The following RUFY3 variants were observed in gnomAD, a reference collection of about 807,000 sequenced individuals.
The protein encoded by RUFY3 is RUN and FYVE domain containing 3, also known as protein RUFY3.
A neutral mutation model predicts 84.0 loss-of-function variants in RUFY3; 34 were observed. The ratio of observed to expected loss-of-function variants is 0.40; its 90% CI spans 0.31 to 0.54. RUFY3 has a LOEUF of 0.54. Among genes scored for constraint, RUFY3 ranks in the 20% least tolerant of loss-of-function variants. RUFY3 has a pLI of 0.39. For synonymous variants in RUFY3, 242 were observed against 252.9 expected, an observed-to-expected ratio of 0.96 and a Z score of 0.41; for missense variants, 507 against 736.8, an observed-to-expected ratio of 0.69 and a Z score of 3.61.
chr4:70,737,566 T>A (rs1232482890), intron 1 of RUFY3, among the ~76,000 whole-genome samples: 1 of 152,138 alleles, frequency 6.6e-6, no homozygotes, highest in Non-Finnish European at 1.5e-5. Flanking sequence ...CTTTCTTTCC[T>A]CATCCGCTCA....
intron 1 of RUFY3, among the ~76,000 whole-genome samples, chr4:70,710,839 G>C (rs1464586063): frequency 6.6e-6 from 1 of 151,420 alleles, no homozygotes; most frequent in East Asian, 2.0e-4. Flanking sequence ...AAGGCAGGCG[G>C]ATCACTTGAG....
intron 7 of RUFY3, among the ~76,000 whole-genome samples, chr4:70,775,740 G>C (rs1453833351): frequency 6.6e-6 from 1 of 151,966 alleles, no homozygotes; most frequent in African/African-American, 2.4e-5. Context: ...TAGCTCAGGA[G>C]TTCAAGATGA....
At chr4:70,777,813 A>G (rs542006254) in intron 7 of RUFY3, among the ~76,000 whole-genome samples, 37 of 152,342 alleles carry the variant, frequency 2.4e-4, no homozygotes, top group South Asian at 4.1e-4. Flanking sequence ...TGTTATTATC[A>G]TATGTAGATA....
Position 70,728,882 on chromosome 4 carries a change from T to C in RUFY3, c.178+6131T>C, listed in dbSNP as rs976178741. 3.3e-4 allele frequency among the ~76,000 whole-genome samples: 44 copies of C among 132,392 alleles called. 1 individual carries two copies. Among genetic ancestry groups the C allele is most frequent in the Admixed American group, 3.2e-3 (44 of 13,572 alleles). The allele number at this position is 132,392 out of a possible 152,430, so 86.9% of individuals were successfully genotyped here. A position where few individuals can be genotyped will look rare whatever the true frequency, so the allele number is the denominator to read the frequency against. On this transcript the variant is annotated intron_variant, in intron 1 of 17. Coordinates refer to ENST00000381006, the MANE Select transcript of RUFY3 (RefSeq NM_001037442.4). ...TTTGTTGTGGAGATTTGGATATTTC[T>C]TTTTTTTTTTTTTTAAATGAGGCCT...
intron 9 of RUFY3, among the ~76,000 whole-genome samples, chr4:70,784,007 G>C (rs1729361082): frequency 6.6e-6 from 1 of 152,158 alleles, no homozygotes; most frequent in Non-Finnish European, 1.5e-5. Context: ...GAGTTACTAG[G>C]CTCTGCGAGG....
At chr4:70,803,083 A>G (rs999285667) in intron 16 of RUFY3, 100 bp downstream of exon 16, 3 of 815,002 alleles carry the variant, frequency 3.7e-6, no homozygotes, top group Non-Finnish European at 6.1e-6. Context: ...AAGATGAGTG[A>G]ATACAGTGTG....
chr4:70,803,144 C>T, intron 16 of RUFY3, 161 bp downstream of exon 16: 1 of 525,512 alleles, frequency 1.9e-6, no homozygotes, highest in Non-Finnish European at 3.4e-6. Flanking sequence ...GAAGCTCACA[C>T]AGGAAGTAGC....
chr4:70,709,792 G>A (rs1560432042), intron 1 of RUFY3, among the ~76,000 whole-genome samples: 1 of 152,134 alleles, frequency 6.6e-6, no homozygotes, highest in Non-Finnish European at 1.5e-5. Flanking sequence ...CACAACTACG[G>A]CAAACATTGT....
At position 70,778,435 on chromosome 4, in the gene RUFY3, G is replaced by A; in HGVS notation, c.891G>A (p.Glu297=). ...AAAAATCCAACACTAAACTGACAGA[G>A]GAGGTAAGTTTTGGAAATGCTTTGA... is the stretch of plus-strand genomic sequence containing the variant. The part of the protein sequence containing the change: ...ALEKSNTKLT[E]ELAVANNRII... Residue 297 remains glutamate, a synonymous_variant, in exon 8 of 18, where the codon GAG becomes GAA. Transcript: ENST00000381006. 6.3e-7 allele frequency: 1 copy of A among 1,588,760 alleles called. No individual in the cohort carries two copies. Among genetic ancestry groups the A allele is most frequent in the East Asian group, 2.2e-5 (1 of 44,600 alleles).
At chr4:70,802,497 C>T (rs1158730137) in intron 15 of RUFY3, among the ~76,000 whole-genome samples, 2 of 152,248 alleles carry the variant, frequency 1.3e-5, no homozygotes, top group East Asian at 3.9e-4. Context: ...TTCATTTCCC[C>T]TTCTTGGGTT....
rs201289788 is a variant in RUFY3, at chr4:70,806,600, C to T, written c.1804C>T (p.Arg602Ter). The T allele has an allele frequency of 7.6e-5, 123 of 1,614,120 alleles. No homozygotes were observed. Among genetic ancestry groups the T allele is most frequent in the South Asian group, 1.8e-4 (16 of 91,088 alleles). Residue 602 changes from arginine (R) to a stop codon, truncating the protein, a stop_gained, in exon 18 of 18, where the codon CGA (arginine) becomes TGA (stop). Transcript: ENST00000381006. LOFTEE classifies it high-confidence loss of function. ...TCTTCCTTCAAGTATCAAGCTTGAG[C>T]GAGTTTGCAATCCCTGTCACAAGCA... ...LPLPSSIKLERVCNPCHKHLM... is the reference protein window; with the variant it reads ...LPLPSSIKLE
At chr4:70,737,493 A>G (rs2148633910) in intron 1 of RUFY3, among the ~76,000 whole-genome samples, 1 of 152,242 alleles carries the variant, frequency 6.6e-6, no homozygotes, top group East Asian at 1.9e-4. Context: ...AAAGTATCTT[A>G]GAGACATTAT....
At chr4:70,729,747 T>C (rs1372516074) in intron 1 of RUFY3, among the ~76,000 whole-genome samples, 2 of 152,200 alleles carry the variant, frequency 1.3e-5, no homozygotes, top group African/African-American at 4.8e-5. Context: ...ATTTTATATT[T>C]CTATTTTTAT....
intron 1 of RUFY3, among the ~76,000 whole-genome samples, chr4:70,744,658 T>G (rs186191931): frequency 2.0e-5 from 3 of 150,730 alleles, no homozygotes; most frequent in African/African-American, 7.3e-5. Context: ...TTTTGAATTT[T>G]TTTTTTTTTT....
intron 1 of RUFY3, among the ~76,000 whole-genome samples, chr4:70,713,752 T>C (rs891474232): frequency 6.6e-6 from 1 of 152,198 alleles, no homozygotes; most frequent in Non-Finnish European, 1.5e-5. Flanking sequence ...CTGCTGTCTT[T>C]TTTATGAACT....
rs901425487 is a variant in RUFY3, at chr4:70,806,542, C to G, written c.1746C>G (p.Thr582=). The part of the protein sequence containing the change: ...TKNVCKNCSG[T]FCDACSTNEL... ...ATGTGTGTAAGAACTGCAGCGGAAC[C>G]TTCTGTGATGCCTGTTCAACAAATG... Residue 582 remains threonine (T), a synonymous_variant, in exon 18 of 18, where the codon ACC becomes ACG. Coordinates refer to ENST00000381006, the MANE Select transcript of RUFY3 (RefSeq NM_001037442.4). The G allele has an allele frequency of 7.4e-6, 12 of 1,614,132 alleles. No homozygotes were observed. Among genetic ancestry groups the G allele is most frequent in the Non-Finnish European group, 1.0e-5 (12 of 1,179,998 alleles).
At chr4:70,734,274 G>T (rs1470798660) in intron 1 of RUFY3, 1 of 387,268 alleles carries the variant, frequency 2.6e-6, no homozygotes, top group Non-Finnish European at 3.5e-6. Context: ...AATAAAACCT[G>T]AGTCATTGGG....
intron 1 of RUFY3, among the ~76,000 whole-genome samples, chr4:70,715,435 T>C (rs984526355): frequency 4.0e-5 from 6 of 151,054 alleles, no homozygotes; most frequent in African/African-American, 1.5e-4. Context: ...AAAACAAAAG[T>C]TAGCCAGGTC....
At chr4:70,780,993 T>C (rs1476767533) in intron 8 of RUFY3, among the ~76,000 whole-genome samples, 2 of 151,014 alleles carry the variant, frequency 1.3e-5, no homozygotes, top group Non-Finnish European at 2.9e-5. Context: ...CTCATGCCTG[T>C]AATCCCAACA....
Sources: gnomAD v4.1 joint callset for allele counts (sites outside exome capture counted in the v4.1 genomes callset) on GRCh38, gnomAD v4.1.1 for gene constraint, MANE v1.5 for transcripts, NCBI Gene and HGNC (gene_info 2026-07-23, HGNC 2026-07-21) for gene names.